Variants in ROBO2 observed in about 807,000 individuals in gnomAD.
ROBO2 encodes the protein roundabout homolog 2.
Under a neutral mutation model 160.8 loss-of-function variants are expected in ROBO2, and 53 were observed. The ratio of observed to expected loss-of-function variants is 0.33; its 90% CI spans 0.26 to 0.41. ROBO2 has a LOEUF of 0.41. Ranked by LOEUF, ROBO2 falls within the 10% of genes least tolerant of loss-of-function variation. ROBO2 has a pLI of 1.00. For synonymous variants in ROBO2, 664 were observed against 611.7 expected, an observed-to-expected ratio of 1.09 and a Z score of -1.26; for missense variants, 1,577 against 1,722.4, an observed-to-expected ratio of 0.92 and a Z score of 1.49.
intron 2 of ROBO2, among the ~76,000 whole-genome samples, chr3:76,988,524 A>T (rs1422704773): frequency 6.6e-6 from 1 of 151,924 alleles, no homozygotes. Flanking sequence ...AGAAGACAGT[A>T]CTCTTATTTT....
At chr3:77,488,973 G>A (rs956079033) in intron 4 of ROBO2, among the ~76,000 whole-genome samples, 2 of 152,004 alleles carry the variant, frequency 1.3e-5, no homozygotes, top group Non-Finnish European at 2.9e-5. Flanking sequence ...GTTTTCTGTG[G>A]GTAATTATGA....
At chr3:77,593,403 G>A (rs1206936914) in intron 17 of ROBO2, among the ~76,000 whole-genome samples, 1 of 152,176 alleles carries the variant, frequency 6.6e-6, no homozygotes, top group Non-Finnish European at 1.5e-5. Context: ...ATGTGGGACA[G>A]ATGCACTGCT....
At chr3:76,927,922 C>T (rs1430150773) in intron 2 of ROBO2, among the ~76,000 whole-genome samples, 3 of 151,848 alleles carry the variant, frequency 2.0e-5, no homozygotes, top group Admixed American at 6.6e-5. Context: ...TTTGAAGTTA[C>T]AAAAATAGAA....
Position 75,921,094 on chromosome 3 carries a change from G to A in ROBO2, c.-14+14134G>A, listed in dbSNP as rs190947711. 3.8e-4 allele frequency among the ~76,000 whole-genome samples: 58 copies of A among 152,086 alleles called. No individual in the cohort carries two copies. In the East Asian group the frequency reaches 0.01, roughly 27 times the overall value. On this transcript the variant is annotated intron_variant, in intron 1 of 26. Transcript: ENST00000487694. ...GATCATGATGCTAGCTGGTTATTTT[G>A]CACATTAGTTGAAGCAGTTTCTTCC...
At chr3:76,468,464 TTC>T (rs1304328597) in intron 2 of ROBO2, among the ~76,000 whole-genome samples, 3 of 152,054 alleles carry the variant, frequency 2.0e-5, no homozygotes, top group Non-Finnish European at 4.4e-5. Flanking sequence ...AACAAGATTT[TTC>T]TCACTCAACT....
intron 2 of ROBO2, among the ~76,000 whole-genome samples, chr3:75,954,902 T>C (rs1359037172): frequency 1.3e-5 from 2 of 151,896 alleles, no homozygotes; most frequent in Non-Finnish European, 2.9e-5. Flanking sequence ...ATGAAATACA[T>C]GACTTTTCAA....
chr3:76,372,158 T>C (rs1295773392), intron 2 of ROBO2, among the ~76,000 whole-genome samples: 4 of 152,012 alleles, frequency 2.6e-5, no homozygotes, highest in Non-Finnish European at 5.9e-5. Flanking sequence ...TGTTACTTTA[T>C]ACATTAAGAA....
intron 1 of ROBO2, among the ~76,000 whole-genome samples, chr3:75,924,353 C>T (rs867005752): frequency 2.0e-5 from 3 of 152,048 alleles, no homozygotes; most frequent in East Asian, 1.9e-4. Flanking sequence ...AGACTGGAGC[C>T]GAGGCTGAAG....
chr3:77,611,083 G>C (rs2094628714), intron 21 of ROBO2, among the ~76,000 whole-genome samples: 1 of 152,010 alleles, frequency 6.6e-6, no homozygotes, highest in Non-Finnish European at 1.5e-5. Flanking sequence ...CGGATCACGA[G>C]GTCAAGAGAT....
chr3:76,362,776 C>A (rs7637783), intron 2 of ROBO2, among the ~76,000 whole-genome samples: 151,095 of 152,108 alleles, frequency 0.99, 75,046 homozygotes, highest in Middle Eastern at 1. Context: ...GGCTGCTGTT[C>A]CTGAGATTTA....
At chr3:76,065,193 G>T (rs1010794005) in intron 2 of ROBO2, among the ~76,000 whole-genome samples, 6 of 151,984 alleles carry the variant, frequency 3.9e-5, no homozygotes, top group Non-Finnish European at 8.8e-5. Context: ...TCCGTTGTCA[G>T]AGTTAACTAG....
chr3:77,622,292 C>T, exon 23 of ROBO2: 1 of 1,614,126 alleles, frequency 6.2e-7, no homozygotes, highest in Non-Finnish European at 8.5e-7. Flanking sequence ...GTGTCTGGAG[C>T]CTTGATTTCT....
chr3:76,166,099 T>C (rs1270686558), intron 2 of ROBO2, among the ~76,000 whole-genome samples: 1 of 151,842 alleles, frequency 6.6e-6, no homozygotes, highest in African/African-American at 2.4e-5. Flanking sequence ...AATAAGCACA[T>C]ACTATTGAAA....
intron 2 of ROBO2, among the ~76,000 whole-genome samples, chr3:77,439,649 A>G (rs192244036): frequency 6.6e-6 from 1 of 152,196 alleles, no homozygotes; most frequent in Admixed American, 6.5e-5. Context: ...GACGCATGCT[A>G]ACCATTAGTA....
intron 2 of ROBO2, among the ~76,000 whole-genome samples, chr3:76,219,865 G>A (rs1331782360): frequency 1.3e-5 from 2 of 151,988 alleles, no homozygotes; most frequent in African/African-American, 2.4e-5. Flanking sequence ...CTGCTATAAA[G>A]ACACATGCAC....
chr3:76,262,928 A>G (rs893054113), intron 2 of ROBO2, among the ~76,000 whole-genome samples: 1 of 152,144 alleles, frequency 6.6e-6, no homozygotes, highest in Admixed American at 6.6e-5. Flanking sequence ...TCAAGTTTTT[A>G]TATAAAATCT....
At chr3:77,646,179 A>G (rs1449930052) in exon 26 of ROBO2, 1 of 617,088 alleles carries the variant, frequency 1.6e-6, no homozygotes, top group East Asian at 3.0e-5. Context: ...TGTAAATGCA[A>G]TGTAAAGACA....
chr3:76,527,509 C>A (rs563120840), intron 2 of ROBO2, among the ~76,000 whole-genome samples: 144 of 152,212 alleles, frequency 9.5e-4, no homozygotes, highest in Non-Finnish European at 8.2e-4. Flanking sequence ...ATCTGCTGCT[C>A]CTCAGTGACC....
chr3:76,195,891 C>T (rs760354829), intron 2 of ROBO2, among the ~76,000 whole-genome samples: 16 of 152,198 alleles, frequency 1.1e-4, no homozygotes, highest in Non-Finnish European at 1.5e-4. Flanking sequence ...GTGCCACTTA[C>T]GTCTTAGCCA....
Sources: gnomAD v4.1 joint callset for allele counts (sites outside exome capture counted in the v4.1 genomes callset) on GRCh38, gnomAD v4.1.1 for gene constraint, MANE v1.5 for transcripts, NCBI Gene and HGNC (gene_info 2026-07-23, HGNC 2026-07-21) for gene names.